Variants in SEMA3A observed in about 807,000 individuals in gnomAD.
The protein encoded by SEMA3A is semaphorin-3A.
In SEMA3A, 29 loss-of-function variants were observed where a neutral mutation model predicts 97.9. The ratio of observed to expected loss-of-function variants is 0.30; its 90% CI spans 0.22 to 0.40. SEMA3A has a LOEUF of 0.40. Ranked by LOEUF, SEMA3A falls within the 10% of genes least tolerant of loss-of-function variation. The pLI is 1.00. For synonymous variants in SEMA3A, 321 were observed against 323.7 expected, an observed-to-expected ratio of 0.99 and a Z score of 0.09; for missense variants, 763 against 951.3, an observed-to-expected ratio of 0.80 and a Z score of 2.60.
chr7:84,455,915 G>GC (rs1035021174), intron 1 of SEMA3A, among the ~76,000 whole-genome samples: 59 of 151,960 alleles, frequency 3.9e-4, no homozygotes, highest in African/African-American at 1.3e-3. Context: ...TTGGCAATAG[G>GC]CAATAGCTGA....
At chr7:84,356,449 A>G (rs1269389750) in intron 2 of SEMA3A, among the ~76,000 whole-genome samples, 1 of 151,510 alleles carries the variant, frequency 6.6e-6, no homozygotes, top group Non-Finnish European at 1.5e-5. Context: ...ATTATAAGAA[A>G]ATGGTGTGGA....
intron 2 of SEMA3A, among the ~76,000 whole-genome samples, chr7:84,309,493 C>A (rs1801260808): frequency 6.6e-6 from 1 of 152,130 alleles, no homozygotes; most frequent in African/African-American, 2.4e-5. Flanking sequence ...CCACTTAACT[C>A]TTGATGATGG....
chr7:83,975,613 T>C lies in SEMA3A; in HGVS notation c.1717+1519A>G, dbSNP rs559558755. 3.3e-5 allele frequency among the ~76,000 whole-genome samples: 5 copies of C among 152,282 alleles called. No individual in the cohort carries two copies. The East Asian group carries it at 5.8e-4, about 18-fold the overall frequency. ...TATCTACAATACTCATAATGTTGTA[T>C]TGATATAAACCTAGAAATATACAAC... On this transcript the variant is annotated intron_variant, in intron 15 of 16. Coordinates refer to ENST00000265362, the MANE Select transcript of SEMA3A (RefSeq NM_006080.3).
At chr7:84,171,678 G>A (rs1036815952) in intron 1 of SEMA3A, among the ~76,000 whole-genome samples, 4 of 151,932 alleles carry the variant, frequency 2.6e-5, no homozygotes, top group African/African-American at 9.7e-5. Flanking sequence ...TGTAAGATTT[G>A]TAAAACCTAA....
At chr7:84,257,383 A>AT (rs993092745) in intron 3 of SEMA3A, among the ~76,000 whole-genome samples, 1 of 151,872 alleles carries the variant, frequency 6.6e-6, no homozygotes, top group Non-Finnish European at 1.5e-5. Flanking sequence ...TAAAACTTAC[A>AT]TTTTTTTCCC....
At chr7:84,431,092 A>T (rs1804968643) in intron 1 of SEMA3A, among the ~76,000 whole-genome samples, 1 of 152,066 alleles carries the variant, frequency 6.6e-6, no homozygotes, top group South Asian at 2.1e-4. Flanking sequence ...TTTTCCCAAG[A>T]GTCACTTGAT....
At chr7:84,472,056 C>T (rs1806167652) in intron 1 of SEMA3A, among the ~76,000 whole-genome samples, 1 of 151,722 alleles carries the variant, frequency 6.6e-6, no homozygotes, top group African/African-American at 2.4e-5. Flanking sequence ...TAGTACATAT[C>T]TCTGAGGATT....
chr7:84,121,022 G>T (rs535043309), intron 3 of SEMA3A, among the ~76,000 whole-genome samples: 1 of 152,058 alleles, frequency 6.6e-6, no homozygotes, highest in African/African-American at 2.4e-5. Flanking sequence ...TTTTATAATA[G>T]GTATAGCATG....
At chr7:84,019,838 T>C (rs1193777570) in intron 6 of SEMA3A, among the ~76,000 whole-genome samples, 1 of 152,046 alleles carries the variant, frequency 6.6e-6, no homozygotes, top group African/African-American at 2.4e-5. Context: ...CTTGTGGCTT[T>C]TCTGACTCTG....
At chr7:84,303,442 C>A (rs752622462) in intron 3 of SEMA3A, among the ~76,000 whole-genome samples, 6 of 151,250 alleles carry the variant, frequency 4.0e-5, no homozygotes, top group Non-Finnish European at 7.4e-5. Context: ...AGAAAACAGA[C>A]TGAGATATAA....
intron 1 of SEMA3A, among the ~76,000 whole-genome samples, chr7:84,438,722 C>T (rs1168958846): frequency 6.6e-6 from 1 of 151,886 alleles, no homozygotes; most frequent in Non-Finnish European, 1.5e-5. Flanking sequence ...AGATGGTACC[C>T]ACCACATAGA....
At chr7:84,191,227 GAA>G (rs35507547) in intron 1 of SEMA3A, among the ~76,000 whole-genome samples, 35 of 117,570 alleles carry the variant, frequency 3.0e-4, no homozygotes, top group African/African-American at 8.0e-4. Flanking sequence ...CCTTGACTCT[GAA>G]AAAAAAAAAA....
intron 1 of SEMA3A, among the ~76,000 whole-genome samples, chr7:84,440,198 G>A (rs2116338241): frequency 6.6e-6 from 1 of 152,240 alleles, no homozygotes; most frequent in East Asian, 1.9e-4. Context: ...AACTATTTTT[G>A]GAAATCTGGA....
chr7:84,289,179 T>C (rs1800675695), intron 3 of SEMA3A, among the ~76,000 whole-genome samples: 1 of 152,008 alleles, frequency 6.6e-6, no homozygotes, highest in Non-Finnish European at 1.5e-5. Flanking sequence ...CTCATGGAAT[T>C]AGAGAGTAGA....
intron 4 of SEMA3A, among the ~76,000 whole-genome samples, chr7:84,068,552 T>C (rs965361013): frequency 1.3e-5 from 2 of 152,084 alleles, no homozygotes; most frequent in African/African-American, 4.8e-5. Context: ...GACTATATAT[T>C]ACAGACTAAA....
At chr7:84,444,366 T>C (rs2116347860) in intron 1 of SEMA3A, among the ~76,000 whole-genome samples, 1 of 152,300 alleles carries the variant, frequency 6.6e-6, no homozygotes, top group South Asian at 2.1e-4. Context: ...TGAAAAGTGC[T>C]CAACTTTAAT....
intron 1 of SEMA3A, among the ~76,000 whole-genome samples, chr7:84,180,007 C>A (rs764433131): frequency 7.2e-6 from 1 of 139,482 alleles, no homozygotes; most frequent in East Asian, 2.1e-4. Context: ...CTTGTTGTGG[C>A]GCGATCTCGG....
At chr7:84,196,136 C>T (rs536180974), upstream of SEMA3A, among the ~76,000 whole-genome samples, 9 of 152,016 alleles carry the variant, frequency 5.9e-5, no homozygotes, top group Admixed American at 2.6e-4. Flanking sequence ...CCCCACCCCC[C>T]ACCTCCAGAA....
chr7:84,196,886 T>C (rs1007527355), upstream of SEMA3A, among the ~76,000 whole-genome samples: 32 of 152,236 alleles, frequency 2.1e-4, no homozygotes, highest in African/African-American at 7.7e-4. Context: ...ATTTTTACTC[T>C]TGTTTTCTAG....
Sources: allele counts gnomAD v4.1 joint callset (sites outside exome capture counted in the v4.1 genomes callset), GRCh38; gene constraint gnomAD v4.1.1; transcripts MANE v1.5; gene names NCBI Gene and HGNC (gene_info 2026-07-23, HGNC 2026-07-21).